CASR: variants seen among roughly 807,000 people sequenced by gnomAD.
The protein encoded by CASR is calcium sensing receptor.
A neutral mutation model predicts 69.1 loss-of-function variants in CASR; 23 were observed. That is an observed-to-expected ratio of 0.33 (90% CI 0.24 to 0.47). The LOEUF (loss-of-function observed/expected upper bound fraction) is 0.47, where lower values mean the gene tolerates loss of function less well. CASR is among the 20% of genes least tolerant of loss of function. The pLI is 1.00. For synonymous variants in CASR, 541 were observed against 544.7 expected, an observed-to-expected ratio of 0.99 and a Z score of 0.10; for missense variants, 924 against 1,356.1, an observed-to-expected ratio of 0.68 and a Z score of 5.00.
chr3:122,288,113 C>T lies in CASR; in HGVS notation c.*2922C>T, dbSNP rs1031250323. 6.6e-6 allele frequency: 1 copy of T among 151,356 alleles called. No homozygotes were observed. The highest frequency in any genetic ancestry group is 1.5e-5 in the Non-Finnish European group (1 of 67,828). The allele number at this position is 151,356 out of a possible 1,614,324, so 9.4% of individuals were successfully genotyped here. ...AGATAGGAAGAGCGTCCCAAATTAT[C>T]CAGGTGGGTCCAGTGGAATCCCAAG... is the stretch of plus-strand genomic sequence containing the variant. On this transcript the variant is annotated 3_prime_UTR_variant, in exon 7 of 7. Transcript: ENST00000639785.
At chr3:122,207,081 ATTAT>A (rs1246696352) in intron 1 of CASR, among the ~76,000 whole-genome samples, 1 of 151,582 alleles carries the variant, frequency 6.6e-6, no homozygotes, top group Non-Finnish European at 1.5e-5. Context: ...CTCTAATTTT[ATTAT>A]TTCTTTCCAT....
chr3:122,243,294 C>T (rs2074396023), intron 1 of CASR, among the ~76,000 whole-genome samples: 1 of 152,012 alleles, frequency 6.6e-6, no homozygotes, highest in South Asian at 2.1e-4. Context: ...GGATTAATAA[C>T]CAGAATATTA....
At chr3:122,269,139 T>A (rs934594202) in intron 4 of CASR, among the ~76,000 whole-genome samples, 2 of 152,194 alleles carry the variant, frequency 1.3e-5, no homozygotes, top group African/African-American at 4.8e-5. Context: ...TTTAAAAAAA[T>A]TATTTTGGCC....
chr3:122,224,505 A>G lies in CASR; in HGVS notation c.-242-29443A>G, dbSNP rs571657406. ...AACCAAGGAGGTAAAAGTTCTCAAC[A>G]ACAAAAATTACAAAATACTGCTGAA... On this transcript the variant is annotated intron_variant, in intron 1 of 6. Transcript: ENST00000639785. 1.1e-4 allele frequency among the ~76,000 whole-genome samples: 17 copies of G among 152,346 alleles called. No homozygotes were observed. In the South Asian group the frequency reaches 3.5e-3, roughly 32 times the overall value.
Position 122,284,805 on chromosome 3 carries a change from C to A in CASR, c.2851C>A (p.Pro951Thr), listed in dbSNP as rs4987051. The A allele has an allele frequency of 5.0e-6, 8 of 1,614,144 alleles. No individual in the cohort carries two copies. The African/African-American group carries it at 8.0e-5, about 16-fold the overall frequency. ...QEQQQQPLTL[P>T]QQQRSQQQPR... ...GCAGCAGCAGCAGCCCCTGACCCTC[C>A]CACAGCAGCAACGATCTCAGCAGCA... Residue 951 changes from proline to threonine, a missense_variant, in exon 7 of 7, where the codon CCA becomes ACA. This residue lies in a region of CASR where 201 missense variants were observed against 228.8 expected (regional missense o/e 0.88). Coordinates refer to ENST00000639785, the MANE Select transcript of CASR (RefSeq NM_000388.4).
At chr3:122,257,038 A>G (rs756375003) in intron 2 of CASR, 43 bp from the exon 3 acceptor site, 1 of 1,564,564 alleles carries the variant, frequency 6.4e-7, no homozygotes, top group South Asian at 1.1e-5. Flanking sequence ...AAAGTCGTTG[A>G]CTAGAAAGCT....
intron 1 of CASR, among the ~76,000 whole-genome samples, chr3:122,228,141 T>A (rs1261403271): frequency 1.3e-5 from 2 of 152,168 alleles, no homozygotes; most frequent in African/African-American, 2.4e-5. Context: ...ATTGGACAAG[T>A]CACTTAATTC....
chr3:122,242,790 C>T (rs2074390523), intron 1 of CASR, among the ~76,000 whole-genome samples: 1 of 151,942 alleles, frequency 6.6e-6, no homozygotes, highest in East Asian at 1.9e-4. Context: ...AGAAGTATGG[C>T]AACCAAAACA....
intron 1 of CASR, among the ~76,000 whole-genome samples, chr3:122,199,273 C>T (rs2073919424): frequency 6.6e-6 from 1 of 152,182 alleles, no homozygotes; most frequent in African/African-American, 2.4e-5. Flanking sequence ...CAAGTTCTTC[C>T]TCTTGGCTCG....
intron 1 of CASR, among the ~76,000 whole-genome samples, chr3:122,201,784 C>T (rs1175963235): frequency 6.6e-6 from 1 of 151,406 alleles, no homozygotes; most frequent in Non-Finnish European, 1.5e-5. Context: ...TCAGACGGGG[C>T]AGCGGGGCAG....
intron 1 of CASR, among the ~76,000 whole-genome samples, chr3:122,252,445 G>GAAAGAAAGAAAGAAAGA (rs1559954401): frequency 1.5e-5 from 1 of 67,780 alleles, no homozygotes; most frequent in Non-Finnish European, 2.8e-5. Context: ...AAGAAAGAAA[G>GAAAGAAAGAAAGAAAGA]AAAAAAAAGA....
chr3:122,212,543 T>C (rs1441029150), intron 1 of CASR, among the ~76,000 whole-genome samples: 2 of 152,126 alleles, frequency 1.3e-5, no homozygotes, highest in African/African-American at 4.8e-5. Context: ...ATCCTGCACA[T>C]GTATACCGGA....
chr3:122,189,890 A>T (rs2073823324), intron 1 of CASR, among the ~76,000 whole-genome samples: 1 of 152,166 alleles, frequency 6.6e-6, no homozygotes. Context: ...TCTTTCATAT[A>T]GTTTTTCTAA....
intron 1 of CASR, among the ~76,000 whole-genome samples, chr3:122,185,906 T>C (rs1342955740): frequency 6.6e-6 from 1 of 152,164 alleles, no homozygotes; most frequent in Non-Finnish European, 1.5e-5. Context: ...TAGAGAAGAC[T>C]CCTCAAGCAC....
chr3:122,208,177 T>C lies in CASR; in HGVS notation c.-243+24365T>C, dbSNP rs2074027653. Among the ~76,000 whole-genome samples the C allele has an allele frequency of 2.0e-5, 3 of 152,284 alleles. 1 individual carries two copies. The South Asian group carries it at 6.2e-4, about 32-fold the overall frequency. On this transcript the variant is annotated intron_variant, in intron 1 of 6. Coordinates refer to ENST00000639785, the MANE Select transcript of CASR (RefSeq NM_000388.4). ...TTCACTTATCAATTATTAATGGAAA[T>C]ACAAATGATTCTTTTATACTTTATA... is the stretch of plus-strand genomic sequence containing the variant.
At chr3:122,202,480 GGGGAGAGGGAGA>G (rs144481840) in intron 1 of CASR, among the ~76,000 whole-genome samples, 2 of 150,004 alleles carry the variant, frequency 1.3e-5, no homozygotes, top group African/African-American at 4.9e-5. Context: ...GGGAGACCGT[GGGGAGAGGGAGA>G]GGGAGAGGGA....
At chr3:122,276,424 G>A (rs996501906) in intron 5 of CASR, among the ~76,000 whole-genome samples, 1 of 152,222 alleles carries the variant, frequency 6.6e-6, no homozygotes, top group Non-Finnish European at 1.5e-5. Flanking sequence ...AAGTTTTAGA[G>A]TGGAGGGGAC....
At chr3:122,238,333 A>G (rs890717297) in intron 1 of CASR, among the ~76,000 whole-genome samples, 1 of 152,218 alleles carries the variant, frequency 6.6e-6, no homozygotes, top group Non-Finnish European at 1.5e-5. Flanking sequence ...TGCTGGGCTC[A>G]GCTGGCATTC....
intron 1 of CASR, among the ~76,000 whole-genome samples, chr3:122,219,259 G>GGAT (rs368316420): frequency 6.6e-6 from 1 of 152,322 alleles, no homozygotes; most frequent in African/African-American, 2.4e-5. Context: ...AGGTGATAGA[G>GGAT]GATGATAACT....
Sources: allele counts gnomAD v4.1 joint callset (sites outside exome capture counted in the v4.1 genomes callset), GRCh38; gene constraint gnomAD v4.1.1; regional missense constraint gnomAD v4.1.1; transcripts MANE v1.5; gene names NCBI Gene and HGNC (gene_info 2026-07-23, HGNC 2026-07-21).